EFNA5: variants seen among roughly 807,000 people sequenced by gnomAD.
EFNA5 encodes the protein ephrin-A5.
Under a neutral mutation model 22.9 loss-of-function variants are expected in EFNA5, and 5 were observed. The observed-to-expected ratio is 0.22, with a 90% CI of 0.11 to 0.46. The LOEUF is 0.46. Ranked by LOEUF, EFNA5 falls within the 20% of genes least tolerant of loss-of-function variation. The pLI, the probability that EFNA5 is intolerant of heterozygous loss-of-function variation, is 0.99. For missense variants in EFNA5, 237 were observed against 293.3 expected (o/e 0.81, Z 1.40); for synonymous variants, 113 against 112.2 (o/e 1.01, Z -0.04).
At chr5:107,591,011 C>T (rs1052100358) in intron 1 of EFNA5, among the ~76,000 whole-genome samples, 14 of 152,096 alleles carry the variant, frequency 9.2e-5, no homozygotes, top group Non-Finnish European at 1.9e-4. Context: ...ACATATTTTA[C>T]TACCATCTGT....
At chr5:107,560,758 C>G (rs148718416) in intron 1 of EFNA5, among the ~76,000 whole-genome samples, 29 of 152,306 alleles carry the variant, frequency 1.9e-4, no homozygotes, top group African/African-American at 4.3e-4. Context: ...CCATATCGTA[C>G]TGCAGGGACA....
chr5:107,502,226 C>A (rs1345927470), intron 1 of EFNA5, among the ~76,000 whole-genome samples: 1 of 152,118 alleles, frequency 6.6e-6, no homozygotes, highest in Non-Finnish European at 1.5e-5. Flanking sequence ...AAACGAAATG[C>A]AGTTAATTTA....
chr5:107,627,192 G>C (rs930400452), intron 1 of EFNA5, among the ~76,000 whole-genome samples: 4 of 152,108 alleles, frequency 2.6e-5, no homozygotes, highest in African/African-American at 4.8e-5. Flanking sequence ...AAGCACATTA[G>C]AGTAACTGGA....
chr5:107,592,758 C>T (rs1367639229), intron 1 of EFNA5, among the ~76,000 whole-genome samples: 1 of 152,072 alleles, frequency 6.6e-6, no homozygotes, highest in Non-Finnish European at 1.5e-5. Context: ...TGCAGTGGAG[C>T]TGTACACAGA....
rs146845414 is a variant in EFNA5, at chr5:107,617,085, T to A, written c.125+53404A>T. The stretch of plus-strand genomic sequence containing the variant: ...AATCTAAAGGCTTTTGCCCACTGCA[T>A]ATCTTCAGCTTTAACACAGAAAATA... On this transcript the variant is annotated intron_variant, in intron 1 of 4. Coordinates refer to ENST00000333274, the MANE Select transcript of EFNA5 (RefSeq NM_001962.3). 2.4e-3 allele frequency among the ~76,000 whole-genome samples: 367 copies of A among 152,200 alleles called. 2 individuals are homozygous for A. Among genetic ancestry groups the A allele is most frequent in the African/African-American group, 8.2e-3 (340 of 41,520 alleles).
At chr5:107,607,844 G>A (rs1319313080) in intron 1 of EFNA5, among the ~76,000 whole-genome samples, 1 of 152,006 alleles carries the variant, frequency 6.6e-6, no homozygotes, top group Non-Finnish European at 1.5e-5. Context: ...AAAAAGACCT[G>A]GACCAGACAA....
intron 1 of EFNA5, among the ~76,000 whole-genome samples, chr5:107,591,979 A>ATATATAATATATATAAT (rs1749364035): frequency 2.3e-5 from 1 of 43,560 alleles, no homozygotes; most frequent in South Asian, 4.1e-4. Flanking sequence ...TATATATAAT[A>ATATATAATATATATAAT]TATAATATAT....
chr5:107,597,795 C>T lies in EFNA5; in HGVS notation c.125+72694G>A, dbSNP rs186110597. Reference sequence around the variant, plus strand: ...TGATAAAGGGGAAACGATATATATTCAATTTTTACAAGCACTGAGTGAGCA... The same window carrying T: ...TGATAAAGGGGAAACGATATATATTTAATTTTTACAAGCACTGAGTGAGCA... On this transcript the variant is annotated intron_variant, in intron 1 of 4. Coordinates refer to ENST00000333274, the MANE Select transcript of EFNA5 (RefSeq NM_001962.3). Among the ~76,000 whole-genome samples the T allele has an allele frequency of 3.4e-3, 522 of 152,188 alleles. 1 individual carries two copies. Among genetic ancestry groups the T allele is most frequent in the Non-Finnish European group, 5.3e-3 (362 of 67,984 alleles).
chr5:107,493,735 T>C (rs1487812842), intron 1 of EFNA5, among the ~76,000 whole-genome samples: 1 of 152,216 alleles, frequency 6.6e-6, no homozygotes, highest in Non-Finnish European at 1.5e-5. Flanking sequence ...TAGACCCTTT[T>C]TTCTAACTCT....
chr5:107,459,862 T>C (rs1478019041), intron 1 of EFNA5, among the ~76,000 whole-genome samples: 1 of 152,160 alleles, frequency 6.6e-6, no homozygotes, highest in Non-Finnish European at 1.5e-5. Flanking sequence ...TCAGCTTTAA[T>C]AGCCTTAACT....
At chr5:107,544,229 T>A (rs75574456) in intron 1 of EFNA5, among the ~76,000 whole-genome samples, 3,144 of 152,272 alleles carry the variant, frequency 0.021, 55 homozygotes, top group Non-Finnish European at 0.034. Flanking sequence ...TTGCTGGTGT[T>A]CAATCAGATA....
chr5:107,636,642 G>T (rs1203491725), intron 1 of EFNA5, among the ~76,000 whole-genome samples: 6 of 152,166 alleles, frequency 3.9e-5, no homozygotes, highest in African/African-American at 1.4e-4. Flanking sequence ...ACATAACTTG[G>T]AATATCTTAT....
chr5:107,514,967 A>G (rs1264294333), intron 1 of EFNA5, among the ~76,000 whole-genome samples: 1 of 152,204 alleles, frequency 6.6e-6, no homozygotes, highest in Non-Finnish European at 1.5e-5. Context: ...CCTGCAAGCT[A>G]GGAGCTTGCA....
intron 1 of EFNA5, among the ~76,000 whole-genome samples, chr5:107,657,456 GAACATA>G (rs1482863732): frequency 3.3e-5 from 5 of 151,994 alleles, no homozygotes; most frequent in South Asian, 2.1e-4. Context: ...ACACCACAGT[GAACATA>G]AACATAAACT....
At chr5:107,496,347 A>AAC (rs1561412604) in intron 1 of EFNA5, among the ~76,000 whole-genome samples, 2 of 149,674 alleles carry the variant, frequency 1.3e-5, no homozygotes, top group African/African-American at 2.5e-5. Flanking sequence ...AAAAAAAAAA[A>AAC]AAAAAACAAA....
intron 2 of EFNA5, among the ~76,000 whole-genome samples, chr5:107,419,393 T>C (rs765836303): frequency 3.3e-5 from 5 of 152,168 alleles, no homozygotes; most frequent in African/African-American, 1.2e-4. Flanking sequence ...TGTGGGAGTA[T>C]ACAAAGCGAA....
intron 1 of EFNA5, among the ~76,000 whole-genome samples, chr5:107,626,482 T>C (rs1455479919): frequency 1.3e-5 from 2 of 152,196 alleles, no homozygotes; most frequent in Non-Finnish European, 2.9e-5. Flanking sequence ...GATATCTCTA[T>C]GTTGCCCAGA....
intron 2 of EFNA5, among the ~76,000 whole-genome samples, chr5:107,399,000 C>T (rs1411438131): frequency 6.6e-6 from 1 of 152,058 alleles, no homozygotes; most frequent in Non-Finnish European, 1.5e-5. Flanking sequence ...AGGTCCTTGT[C>T]CGAGAACTAG....
chr5:107,387,893 T>C, intron 2 of EFNA5, 122 bp from the exon 3 acceptor site: 1 of 665,312 alleles, frequency 1.5e-6, no homozygotes, highest in South Asian at 2.2e-5. Context: ...AGGAACTTTC[T>C]CTAATTCCTC....
Sources: allele counts gnomAD v4.1 joint callset (sites outside exome capture counted in the v4.1 genomes callset), GRCh38; gene constraint gnomAD v4.1.1; transcripts MANE v1.5; gene names NCBI Gene and HGNC (gene_info 2026-07-23, HGNC 2026-07-21).